Variants in NPIPA1 observed in about 807,000 individuals in gnomAD.
NPIPA1 encodes the protein nuclear pore complex-interacting protein family member A1.
For missense variants in NPIPA1, 22 were observed against 232.2 expected, an observed-to-expected ratio of 0.09 and a Z score of 5.88; for synonymous variants, 7 against 88.0, an observed-to-expected ratio of 0.08 and a Z score of 5.15.
Position 14,944,911 on chromosome 16 carries a change from T to A in NPIPA1, c.193-663T>A, listed in dbSNP as rs1281680852. ...GAGCTACCGCACCTGGCCTATATTT[T>A]TTTTTTTTTTTTTTTTTGAGACAGA... On this transcript the variant is annotated intron_variant, in intron 2 of 7. Transcript: ENST00000328085. 2.8e-4 allele frequency among the ~76,000 whole-genome samples: 42 copies of A among 149,536 alleles called. No homozygotes were observed. In the East Asian group the frequency reaches 3.2e-3, roughly 11 times the overall value.
At position 14,951,949 on chromosome 16, in the gene NPIPA1, A is replaced by C. The variant is rs773186910; in HGVS notation, c.977A>C (p.Asp326Ala). The part of the protein sequence containing the change: ...LPPSAPPSVD[D>A]NLKTPPECVC... ...CCCTCAGCTCCACCCTCAGTGGATG[A>C]TAATCTCAAGACACCTCCCGAGTGT... The change falls in exon 8 of 8, where the codon GAT becomes GCT. Residue 326 changes from aspartate (D) to alanine (A), a missense_variant. By Grantham distance (126) the Asp-to-Ala change is moderately radical. Coordinates refer to ENST00000328085, the MANE Select transcript of NPIPA1 (RefSeq NM_006985.4). 6.2e-7 allele frequency: 1 copy of C among 1,604,886 alleles called. No homozygotes were observed. Among genetic ancestry groups the C allele is most frequent in the African/African-American group, 1.3e-5 (1 of 74,158 alleles).
intron 4 of NPIPA1, among the ~76,000 whole-genome samples, chr16:14,948,293 C>T (rs1199529423): frequency 5.9e-5 from 9 of 152,344 alleles, no homozygotes; most frequent in Non-Finnish European, 7.3e-5. Context: ...GGAGCCATTC[C>T]GATCATTTCT....
At chr16:14,947,144 G>A (rs71255597) in intron 4 of NPIPA1, among the ~76,000 whole-genome samples, 1 of 152,256 alleles carries the variant, frequency 6.6e-6, no homozygotes, top group South Asian at 2.1e-4. Context: ...GTCACCTCCA[G>A]ATTCATTTTC....
At chr16:14,944,089 C>T (rs1214383786) in intron 2 of NPIPA1, among the ~76,000 whole-genome samples, 3 of 152,188 alleles carry the variant, frequency 2.0e-5, no homozygotes, top group South Asian at 2.1e-4. Context: ...GTGGAGGTTG[C>T]CGTGAGCCAA....
intron 4 of NPIPA1, among the ~76,000 whole-genome samples, chr16:14,946,726 A>C (rs1269293085): frequency 9.2e-6 from 1 of 108,922 alleles, no homozygotes. Flanking sequence ...ACAGAGTCTC[A>C]CTCTGTCACC....
intron 1 of NPIPA1, among the ~76,000 whole-genome samples, chr16:14,938,573 G>A (rs1965680215): frequency 7.5e-6 from 1 of 134,028 alleles, no homozygotes; most frequent in East Asian, 3.1e-4. Flanking sequence ...CTGGTGGTGC[G>A]TACCTGTTAT....
intron 2 of NPIPA1, among the ~76,000 whole-genome samples, chr16:14,942,776 T>C (rs1322277071): frequency 6.6e-6 from 1 of 152,264 alleles, no homozygotes; most frequent in Non-Finnish European, 1.5e-5. Flanking sequence ...AAGTCTGTAC[T>C]TGGTAAGAAT....
intron 2 of NPIPA1, among the ~76,000 whole-genome samples, chr16:14,944,928 T>G: frequency 6.8e-6 from 1 of 148,056 alleles, no homozygotes; most frequent in South Asian, 2.2e-4. Flanking sequence ...TTTTTTTTTT[T>G]GAGACAGAGT....
chr16:14,945,267 T>TGTGAGA lies in NPIPA1; in HGVS notation c.193-306_193-305insTGAGAG, dbSNP rs1349396254. ...GTGTGTGTGTGTGTGTGTGTGTGTG[T>TGTGAGA]GAGACAGAGTCTCATTCTGTCACTC... On this transcript the variant is annotated intron_variant, in intron 2 of 7. Transcript: ENST00000328085. 1.5e-5 allele frequency among the ~76,000 whole-genome samples: 2 copies of TGTGAGA among 132,170 alleles called. 1 individual carries two copies. Among genetic ancestry groups the TGTGAGA allele is most frequent in the African/African-American group, 5.7e-5 (2 of 35,174 alleles). The allele number at this position is 132,170 out of a possible 152,430, so 86.7% of individuals were successfully genotyped here.
intron 1 of NPIPA1, among the ~76,000 whole-genome samples, chr16:14,941,099 G>C (rs1348334833): frequency 1.3e-5 from 2 of 151,482 alleles, no homozygotes; most frequent in African/African-American, 4.8e-5. Flanking sequence ...CTGCACTCCA[G>C]CCTGGGTGAC....
At chr16:14,945,227 G>GTTTGT (rs748459839) in intron 2 of NPIPA1, among the ~76,000 whole-genome samples, 7 of 137,820 alleles carry the variant, frequency 5.1e-5, no homozygotes, top group East Asian at 5.0e-4. Flanking sequence ...ATTCTTGTGT[G>GTTTGT]GTGTGTGTGT....
intron 1 of NPIPA1, among the ~76,000 whole-genome samples, chr16:14,940,364 A>G (rs552171640): frequency 6.6e-6 from 1 of 152,144 alleles, no homozygotes; most frequent in African/African-American, 2.4e-5. Context: ...GTGATATATA[A>G]TAAATGCATC....
intron 2 of NPIPA1, among the ~76,000 whole-genome samples, chr16:14,945,085 AT>A (rs1394901860): frequency 2.7e-5 from 4 of 146,632 alleles, no homozygotes; most frequent in African/African-American, 1.0e-4. Context: ...CTAATTTTGT[AT>A]TTTTAGCAGA....
At chr16:14,938,000 AC>A in intron 1 of NPIPA1, among the ~76,000 whole-genome samples, 1 of 141,472 alleles carries the variant, frequency 7.1e-6, no homozygotes, top group African/African-American at 2.6e-5. Context: ...CCTTTCCCAG[AC>A]CCCTTTCTTC....
chr16:14,941,216 T>C (rs1965744919), intron 1 of NPIPA1, among the ~76,000 whole-genome samples: 1 of 150,104 alleles, frequency 6.7e-6, no homozygotes, highest in African/African-American at 2.4e-5. Context: ...GGCAGGCAGA[T>C]CGCCTGTCAG....
intron 1 of NPIPA1, among the ~76,000 whole-genome samples, chr16:14,940,409 A>T (rs978040248): frequency 1.3e-5 from 2 of 152,160 alleles, no homozygotes; most frequent in Admixed American, 1.3e-4. Context: ...ACAAATAACT[A>T]AAGAAAAGAT....
At chr16:14,944,091 G>A (rs1233543325) in intron 2 of NPIPA1, among the ~76,000 whole-genome samples, 7 of 152,222 alleles carry the variant, frequency 4.6e-5, no homozygotes, top group South Asian at 4.1e-4. Context: ...GGAGGTTGCC[G>A]TGAGCCAAGG....
At position 14,949,580 on chromosome 16, in the gene NPIPA1, C is replaced by G. The variant is rs569364779; in HGVS notation, c.546-470C>G. ...TAGCAACAGTTTGGATCAGACTGTA[C>G]AGTTTTTTTGTTTTTGTTTTTGTTT... On this transcript the variant is annotated intron_variant, in intron 5 of 7. Coordinates refer to ENST00000328085, the MANE Select transcript of NPIPA1 (RefSeq NM_006985.4). 3.5e-4 allele frequency: 211 copies of G among 607,630 alleles called. 1 individual carries two copies. In the African/African-American group the frequency reaches 3.6e-3, roughly 10 times the overall value. 37.6% of individuals were successfully genotyped at this position (607,630 alleles called of 1,614,324 possible). A position where few individuals can be genotyped will look rare whatever the true frequency, so the allele number is the denominator to read the frequency against.
At chr16:14,946,649 G>C (rs1246637846) in intron 4 of NPIPA1, among the ~76,000 whole-genome samples, 13 of 140,778 alleles carry the variant, frequency 9.2e-5, no homozygotes, top group African/African-American at 3.4e-4. Flanking sequence ...GGCTTCCCGA[G>C]TAGCTTGGAT....
Sources: allele counts gnomAD v4.1 joint callset (sites outside exome capture counted in the v4.1 genomes callset), GRCh38; gene constraint gnomAD v4.1.1; transcripts MANE v1.5; gene names NCBI Gene and HGNC (gene_info 2026-07-23, HGNC 2026-07-21).